The following L3MBTL4 variants were observed in gnomAD, a reference collection of about 807,000 sequenced individuals.
L3MBTL4 encodes L3MBTL histone methyl-lysine binding protein 4.
L3MBTL4 carries 70 observed loss-of-function variants against 84.5 expected under a neutral mutation model. The ratio of observed to expected loss-of-function variants is 0.83; its 90% CI spans 0.68 to 1.01. The LOEUF is 1.01. L3MBTL4 is among the 50% of genes least tolerant of loss of function. L3MBTL4 has a pLI of 0.00. For synonymous variants in L3MBTL4, 274 were observed against 259.8 expected (o/e 1.05, Z -0.52); for missense variants, 715 against 754.8 (o/e 0.95, Z 0.62).
intron 12 of L3MBTL4, among the ~76,000 whole-genome samples, chr18:6,209,150 T>A (rs2045993319): frequency 6.6e-6 from 1 of 152,140 alleles, no homozygotes; most frequent in African/African-American, 2.4e-5. Context: ...ATCAAATTAC[T>A]TAAGTTCTCC....
At chr18:6,362,176 A>AAAGGAAGG (rs1248423229) in intron 1 of L3MBTL4, among the ~76,000 whole-genome samples, 1 of 118,212 alleles carries the variant, frequency 8.5e-6, no homozygotes, top group Non-Finnish European at 1.7e-5. Flanking sequence ...AGGAAAGAAG[A>AAAGGAAGG]AAGGAAGGAA....
At chr18:6,232,529 T>C (rs1481474962) in intron 10 of L3MBTL4, among the ~76,000 whole-genome samples, 1 of 152,066 alleles carries the variant, frequency 6.6e-6, no homozygotes, top group East Asian at 1.9e-4. Context: ...CAGGAGGTTT[T>C]TGTATTACTG....
At chr18:6,128,040 G>T (rs1323319430) in intron 14 of L3MBTL4, among the ~76,000 whole-genome samples, 3 of 129,204 alleles carry the variant, frequency 2.3e-5, no homozygotes, top group East Asian at 5.3e-4. Context: ...GGGTGGGGCG[G>T]GGGAAGAGTC....
intron 12 of L3MBTL4, among the ~76,000 whole-genome samples, chr18:6,194,094 C>T (rs1199456411): frequency 6.6e-6 from 1 of 152,126 alleles, no homozygotes; most frequent in Non-Finnish European, 1.5e-5. Context: ...TAAATCCTTC[C>T]TCATTGGAAA....
Position 6,132,638 on chromosome 18 carries a change from A to C in L3MBTL4, c.1199+5556T>G, listed in dbSNP as rs1056008184. ...TTTTATATTCTTCTCATTCATTCAG[A>C]AATTCTGAGGCCAACCTTTAAAGGC... On this transcript the variant is annotated intron_variant, in intron 14 of 18. Transcript: ENST00000317931. Among the ~76,000 whole-genome samples, 4 of 152,348 alleles carry C rather than the reference A, an allele frequency of 2.6e-5. 1 individual carries two copies. The South Asian group carries it at 8.3e-4, about 32-fold the overall frequency.
chr18:6,337,483 A>C (rs2052398291), intron 1 of L3MBTL4, among the ~76,000 whole-genome samples: 1 of 152,140 alleles, frequency 6.6e-6, no homozygotes, highest in African/African-American at 2.4e-5. Flanking sequence ...AATACCATAA[A>C]CATTATTTTG....
intron 14 of L3MBTL4, among the ~76,000 whole-genome samples, chr18:6,118,738 C>T (rs2059434672): frequency 6.6e-6 from 1 of 152,066 alleles, no homozygotes; most frequent in Non-Finnish European, 1.5e-5. Context: ...CAGAAGAAAC[C>T]CTTAAAAACA....
chr18:6,175,580 A>C (rs1271963106), intron 12 of L3MBTL4, among the ~76,000 whole-genome samples: 1 of 152,198 alleles, frequency 6.6e-6, no homozygotes, highest in Non-Finnish European at 1.5e-5. Context: ...CAGAAGAAGA[A>C]GAAAAGTAAT....
chr18:6,073,290 T>C (rs1179842608), intron 16 of L3MBTL4, among the ~76,000 whole-genome samples: 2 of 151,938 alleles, frequency 1.3e-5, no homozygotes, highest in Non-Finnish European at 2.9e-5. Flanking sequence ...CAGAGGGTAT[T>C]ATAAACAACT....
At chr18:6,236,589 T>A (rs565034889) in intron 10 of L3MBTL4, among the ~76,000 whole-genome samples, 1 of 152,110 alleles carries the variant, frequency 6.6e-6, no homozygotes, top group African/African-American at 2.4e-5. Flanking sequence ...GCACACCAAC[T>A]CAAACCACAC....
chr18:6,207,066 GT>G (rs982105254), intron 12 of L3MBTL4, among the ~76,000 whole-genome samples: 1 of 152,188 alleles, frequency 6.6e-6, no homozygotes, highest in South Asian at 2.1e-4. Context: ...AGCTAAAAAT[GT>G]TTTTTACATT....
intron 16 of L3MBTL4, among the ~76,000 whole-genome samples, chr18:6,044,230 T>C (rs1487192766): frequency 6.6e-6 from 1 of 152,192 alleles, no homozygotes; most frequent in Admixed American, 6.5e-5. Flanking sequence ...TTAAGAATAA[T>C]CTGTATAAAA....
At chr18:5,998,413 G>A (rs190602378) in intron 16 of L3MBTL4, among the ~76,000 whole-genome samples, 1 of 152,180 alleles carries the variant, frequency 6.6e-6, no homozygotes, top group African/African-American at 2.4e-5. Flanking sequence ...TGGTCTGTTA[G>A]CCTCAGAGAA....
chr18:6,190,680 T>G (rs2045034187), intron 12 of L3MBTL4, among the ~76,000 whole-genome samples: 1 of 152,142 alleles, frequency 6.6e-6, no homozygotes, highest in African/African-American at 2.4e-5. Flanking sequence ...TAAATTCTAG[T>G]AGGGATAATC....
chr18:6,321,236 A>C (rs1346564504), intron 1 of L3MBTL4, among the ~76,000 whole-genome samples: 2 of 152,206 alleles, frequency 1.3e-5, no homozygotes, highest in Non-Finnish European at 2.9e-5. Context: ...AATGGGACCT[A>C]ATTAAACAAA....
chr18:6,351,135 G>T (rs2053163550), intron 1 of L3MBTL4, among the ~76,000 whole-genome samples: 1 of 152,058 alleles, frequency 6.6e-6, no homozygotes, highest in Non-Finnish European at 1.5e-5. Context: ...GGCGGAGGTT[G>T]CAGTGAGCCA....
chr18:6,064,222 AT>A (rs1212744691), intron 16 of L3MBTL4, among the ~76,000 whole-genome samples: 1 of 151,748 alleles, frequency 6.6e-6, no homozygotes, highest in African/African-American at 2.4e-5. Flanking sequence ...CTACATGCCT[AT>A]TTTTTATACC....
At chr18:6,332,478 T>C (rs2052090269) in intron 1 of L3MBTL4, among the ~76,000 whole-genome samples, 1 of 152,168 alleles carries the variant, frequency 6.6e-6, no homozygotes, top group African/African-American at 2.4e-5. Flanking sequence ...AAGGGCCCAT[T>C]CAATAAAATT....
At chr18:6,194,609 A>C (rs905919734) in intron 12 of L3MBTL4, among the ~76,000 whole-genome samples, 1 of 152,176 alleles carries the variant, frequency 6.6e-6, no homozygotes, top group Non-Finnish European at 1.5e-5. Flanking sequence ...ATCGAACAGA[A>C]AGTTCCCCTT....
Sources: allele counts gnomAD v4.1 joint callset (sites outside exome capture counted in the v4.1 genomes callset), GRCh38; gene constraint gnomAD v4.1.1; transcripts MANE v1.5; gene names NCBI Gene and HGNC (gene_info 2026-07-23, HGNC 2026-07-21).